DLG2: variants seen among roughly 807,000 people sequenced by gnomAD.
DLG2 encodes the protein disks large homolog 2.
In DLG2, 45 loss-of-function variants were observed where a neutral mutation model predicts 132.5. The observed-to-expected ratio is 0.34, with a 90% CI of 0.27 to 0.44. DLG2 has a LOEUF of 0.44. Among genes scored for constraint, DLG2 ranks in the 20% least tolerant of loss-of-function variants. The pLI is 1.00. For missense variants in DLG2, 1,045 were observed against 1,196.9 expected (o/e 0.87, Z 1.87); for synonymous variants, 424 against 419.6 (o/e 1.01, Z -0.13).
intron 19 of DLG2, among the ~76,000 whole-genome samples, chr11:83,600,173 T>TCA (rs975188095): frequency 2.0e-5 from 3 of 151,522 alleles, no homozygotes; most frequent in Non-Finnish European, 2.9e-5. Flanking sequence ...GAGAGATTAT[T>TCA]CACACACACA....
At chr11:84,980,637 A>T (rs187032981) in intron 6 of DLG2, among the ~76,000 whole-genome samples, 1 of 152,178 alleles carries the variant, frequency 6.6e-6, no homozygotes, top group Admixed American at 6.6e-5. Flanking sequence ...CCAAAACATT[A>T]TAGGTAAAAG....
At chr11:83,871,368 C>G (rs1168538648) in intron 16 of DLG2, among the ~76,000 whole-genome samples, 1 of 152,184 alleles carries the variant, frequency 6.6e-6, no homozygotes, top group Non-Finnish European at 1.5e-5. Context: ...ATCAAATTAA[C>G]TGGAAATCTG....
At chr11:85,503,197 A>G (rs745425221) in intron 3 of DLG2, among the ~76,000 whole-genome samples, 1 of 152,114 alleles carries the variant, frequency 6.6e-6, no homozygotes, top group South Asian at 2.1e-4. Context: ...CTGTACCATT[A>G]TATTTTATAC....
chr11:84,314,449 G>A (rs951606725), intron 7 of DLG2, among the ~76,000 whole-genome samples: 4 of 152,046 alleles, frequency 2.6e-5, no homozygotes, highest in South Asian at 2.1e-4. Flanking sequence ...GATAATATAC[G>A]TAAGTGTATA....
rs184533934 is a variant in DLG2 at position 84,050,831 on chromosome 11, T to C, written c.919+8484A>G. ...TTGTCAAAGATCAGATGGTTGTAGA[T>C]ATGTGGCATTATTTCTGAGGGCTCT... On this transcript the variant is annotated intron_variant, in intron 11 of 27. Coordinates refer to ENST00000376104, the MANE Select transcript of DLG2 (RefSeq NM_001142699.3). Among the ~76,000 whole-genome samples the C allele has an allele frequency of 1.9e-4, 29 of 152,042 alleles. No homozygotes were observed. The East Asian group carries it at 2.7e-3, about 14-fold the overall frequency.
At chr11:85,316,291 A>G (rs2080670067) in intron 3 of DLG2, among the ~76,000 whole-genome samples, 1 of 152,050 alleles carries the variant, frequency 6.6e-6, no homozygotes, top group African/African-American at 2.4e-5. Context: ...CGATTTATAA[A>G]TAACTCTCAT....
chr11:84,467,755 A>G (rs1567712230), intron 7 of DLG2, among the ~76,000 whole-genome samples: 1 of 151,526 alleles, frequency 6.6e-6, no homozygotes, highest in Non-Finnish European at 1.5e-5. Context: ...GTAACTGTTA[A>G]TCATCTCTTG....
chr11:84,941,267 G>A (rs1052875387), intron 6 of DLG2, among the ~76,000 whole-genome samples: 3 of 152,178 alleles, frequency 2.0e-5, no homozygotes, highest in Non-Finnish European at 2.9e-5. Context: ...CTGTGAGAAT[G>A]TCATTGGTAT....
intron 6 of DLG2, among the ~76,000 whole-genome samples, chr11:84,754,857 G>A (rs958397604): frequency 1.3e-5 from 2 of 152,142 alleles, no homozygotes; most frequent in East Asian, 1.9e-4. Flanking sequence ...GGGGAATGTC[G>A]TTAGTATAGG....
At chr11:84,262,060 C>A (rs925833003) in intron 7 of DLG2, among the ~76,000 whole-genome samples, 1 of 152,150 alleles carries the variant, frequency 6.6e-6, no homozygotes, top group Non-Finnish European at 1.5e-5. Flanking sequence ...GTACTTTGTG[C>A]TTATTCTTCC....
Position 83,459,731 on chromosome 11 carries a change from A to G in DLG2, c.*87T>C. On this transcript the variant is annotated 3_prime_UTR_variant, in exon 28 of 28. Coordinates refer to ENST00000376104, the MANE Select transcript of DLG2 (RefSeq NM_001142699.3). Reference sequence around the variant, plus strand: ...TGACTGCAAAAACATAAATGCAACAAAAACATAAAAGCCTCCAAGTAGTAT... The same window carrying G: ...TGACTGCAAAAACATAAATGCAACAGAAACATAAAAGCCTCCAAGTAGTAT... 1 of 717,902 alleles carries G rather than the reference A, an allele frequency of 1.4e-6. No homozygotes were observed. Among genetic ancestry groups the G allele is most frequent in the Non-Finnish European group, 2.4e-6 (1 of 410,270 alleles). The allele number at this position is 717,902 out of a possible 1,614,324, so 44.5% of individuals were successfully genotyped here.
intron 13 of DLG2, among the ~76,000 whole-genome samples, chr11:83,963,837 C>A (rs1040080092): frequency 6.6e-6 from 1 of 151,984 alleles, no homozygotes; most frequent in African/African-American, 2.4e-5. Flanking sequence ...GCCTCTCCTA[C>A]CTAACCCATC....
Position 85,545,128 on chromosome 11 carries a change from G to T in DLG2, c.40+53529C>A, listed in dbSNP as rs11501827. Among the ~76,000 whole-genome samples, 727 of 152,284 alleles carry T rather than the reference G, an allele frequency of 4.8e-3. 2 individuals are homozygous for T. The highest frequency in any genetic ancestry group is 8.2e-3 in the Non-Finnish European group (557 of 68,022). ...TCAGTATGATATTGGCTGTGGGTTT[G>T]TCATAAATAGCTCTTAGTATTTTGA... On this transcript the variant is annotated intron_variant, in intron 3 of 27. Transcript: ENST00000376104.
intron 9 of DLG2, among the ~76,000 whole-genome samples, chr11:84,141,808 C>T (rs1464870202): frequency 2.6e-5 from 4 of 151,952 alleles, no homozygotes; most frequent in Non-Finnish European, 5.9e-5. Context: ...AAAATATCTA[C>T]AGGTTTTTTT....
intron 6 of DLG2, among the ~76,000 whole-genome samples, chr11:84,607,600 A>T (rs2099588075): frequency 6.6e-6 from 1 of 152,076 alleles, no homozygotes. Context: ...TTCTAAATTC[A>T]GTTTACTCCT....
At chr11:84,069,843 G>T (rs2096730529) in intron 10 of DLG2, among the ~76,000 whole-genome samples, 1 of 152,216 alleles carries the variant, frequency 6.6e-6, no homozygotes, top group Admixed American at 6.5e-5. Context: ...GTACAACATG[G>T]AAAAGAGACA....
At position 83,931,015 on chromosome 11, in the gene DLG2, G is replaced by A. The variant is rs531256207; in HGVS notation, c.1341-532C>T. 2.6e-5 allele frequency among the ~76,000 whole-genome samples: 4 copies of A among 152,290 alleles called. No individual in the cohort carries two copies. The South Asian group carries it at 8.3e-4, about 32-fold the overall frequency. On this transcript the variant is annotated intron_variant, in intron 14 of 27. Coordinates refer to ENST00000376104, the MANE Select transcript of DLG2 (RefSeq NM_001142699.3). ...CCTTCTATGTGGATAAAGATAAACT[G>A]TGTTGTTCAAGCTAGGATCATTTTT...
intron 6 of DLG2, among the ~76,000 whole-genome samples, chr11:84,869,767 T>C (rs2085178795): frequency 6.6e-6 from 1 of 152,200 alleles, no homozygotes; most frequent in Admixed American, 6.5e-5. Context: ...CAGAGCCCAG[T>C]ACCACGCCTG....
intron 6 of DLG2, among the ~76,000 whole-genome samples, chr11:84,896,095 G>A (rs1186031445): frequency 6.6e-6 from 1 of 152,008 alleles, no homozygotes; most frequent in African/African-American, 2.4e-5. Flanking sequence ...TTTTCTATGA[G>A]GAGAAAATAT....
Sources: allele counts gnomAD v4.1 joint callset (sites outside exome capture counted in the v4.1 genomes callset), GRCh38; gene constraint gnomAD v4.1.1; transcripts MANE v1.5; gene names NCBI Gene and HGNC (gene_info 2026-07-23, HGNC 2026-07-21).